Variants in PLCE1 observed in about 807,000 individuals in gnomAD.
The protein encoded by PLCE1 is 1-phosphatidylinositol 4,5-bisphosphate phosphodiesterase epsilon-1.
PLCE1 carries 119 observed loss-of-function variants against 242.8 expected under a neutral mutation model. The ratio of observed to expected loss-of-function variants is 0.49; its 90% confidence interval spans 0.42 to 0.57. The LOEUF is 0.57. PLCE1 is among the 20% of genes least tolerant of loss of function. The pLI, the probability that PLCE1 is intolerant of heterozygous loss-of-function variation, is 0.00. For synonymous variants in PLCE1, 945 were observed against 1,017.4 expected (o/e 0.93, Z 1.35); for missense variants, 2,441 against 2,788.8 (o/e 0.88, Z 2.81).
rs1347399544 is a variant in PLCE1, at chr10:94,259,101, C to T, written c.3765C>T (p.Tyr1255=). Residue 1255 remains tyrosine (Y), a synonymous_variant, in exon 13 of 33, where the codon TAC becomes TAT. Coordinates refer to ENST00000371380, the MANE Select transcript of PLCE1 (RefSeq NM_016341.4). ...CTGGCTCCGAGTCAGCCCCACTCTA[C>T]ACCAACCTGACAATTGATGAAAACA... ...NRSGSESAPL[Y]TNLTIDENTS... 1.2e-6 allele frequency: 2 copies of T among 1,613,950 alleles called. No homozygotes were observed. The highest frequency in any genetic ancestry group is 2.7e-5 in the African/African-American group (2 of 74,882).
chr10:94,235,674 T>C, intron 6 of PLCE1: 1 of 966,616 alleles, frequency 1.0e-6, no homozygotes, highest in East Asian at 1.1e-4. Flanking sequence ...TTTTTTGTTT[T>C]AAATTTGAAG....
In PLCE1 at chr10:94,165,927, C is replaced by T. The variant is rs1435963445; in HGVS notation, c.1493-5253C>T. ...TCACCACGTTGGCAAGGCTGGTCTC[C>T]AACTCCTGACATCAGTTGATCCACC... On this transcript the variant is annotated intron_variant, in intron 3 of 32. Transcript: ENST00000371380. 2.0e-5 allele frequency among the ~76,000 whole-genome samples: 3 copies of T among 152,102 alleles called. No individual in the cohort carries two copies. The East Asian group carries it at 5.8e-4, about 30-fold the overall frequency.
intron 4 of PLCE1, among the ~76,000 whole-genome samples, chr10:94,226,832 T>TCTTTTTC (rs1554888481): frequency 2.0e-5 from 1 of 49,624 alleles, no homozygotes; most frequent in East Asian, 8.9e-4. Context: ...CCTATAGGTC[T>TCTTTTTC]TTTTTTTTTT....
chr10:94,098,324 A>G (rs1423576544), intron 2 of PLCE1, among the ~76,000 whole-genome samples: 3 of 152,196 alleles, frequency 2.0e-5, no homozygotes. Flanking sequence ...ACATTTATAA[A>G]CATTGCCAAT....
intron 2 of PLCE1, among the ~76,000 whole-genome samples, chr10:94,064,588 G>A (rs2044148887): frequency 6.6e-6 from 1 of 152,128 alleles, no homozygotes; most frequent in Admixed American, 6.5e-5. Flanking sequence ...AGGCAAAGCT[G>A]GGTTTCAGGT....
rs1288310210 is a variant in PLCE1, at chr10:94,331,392, C to G, written c.*3449C>G. The G allele has an allele frequency of 6.6e-6, 1 of 152,218 alleles. No homozygotes were observed. The highest frequency in any genetic ancestry group is 2.4e-5 in the African/African-American group (1 of 41,434). 9.4% of individuals were successfully genotyped at this position (152,218 alleles called of 1,614,324 possible). A position where few individuals can be genotyped will look rare whatever the true frequency, so the allele number is the denominator to read the frequency against. On this transcript the variant is annotated 3_prime_UTR_variant, in exon 33 of 33. Coordinates refer to ENST00000371380, the MANE Select transcript of PLCE1 (RefSeq NM_016341.4). ...TAGACTTCTGTCCTCTGCCCAGAGA[C>G]CCACAGGCCTTGCTTAATTCTGGAA...
chr10:94,116,828 A>C (rs537940725), intron 2 of PLCE1, among the ~76,000 whole-genome samples: 1 of 152,316 alleles, frequency 6.6e-6, no homozygotes, highest in South Asian at 2.1e-4. Flanking sequence ...CTTCTAAAAG[A>C]AGTGCATTTG....
chr10:94,202,953 G>C (rs1460487396), intron 4 of PLCE1, among the ~76,000 whole-genome samples: 1 of 152,192 alleles, frequency 6.6e-6, no homozygotes. Context: ...ACATAAAATA[G>C]TTATTGTCTG....
intron 2 of PLCE1, among the ~76,000 whole-genome samples, chr10:94,062,761 T>C (rs2044094884): frequency 1.3e-5 from 2 of 152,154 alleles, no homozygotes; most frequent in African/African-American, 4.8e-5. Flanking sequence ...TAGTCAACTG[T>C]TGTCTTTCTG....
chr10:94,190,839 C>T (rs976914432), intron 4 of PLCE1, among the ~76,000 whole-genome samples: 2 of 152,116 alleles, frequency 1.3e-5, no homozygotes, highest in African/African-American at 4.8e-5. Flanking sequence ...GCATGGAGCT[C>T]GTGTGCTAGA....
intron 1 of PLCE1, among the ~76,000 whole-genome samples, chr10:94,021,629 C>G (rs1221000850): frequency 1.3e-5 from 2 of 152,114 alleles, no homozygotes; most frequent in African/African-American, 4.8e-5. Flanking sequence ...GCCAGTATCA[C>G]ATTGTCAAGA....
At chr10:94,048,726 T>C (rs1158854947) in intron 2 of PLCE1, among the ~76,000 whole-genome samples, 1 of 148,066 alleles carries the variant, frequency 6.8e-6, no homozygotes, top group Non-Finnish European at 1.5e-5. Context: ...TATGTATATA[T>C]GCACATATAT....
At chr10:94,273,006 G>A (rs2051805608) in intron 18 of PLCE1, among the ~76,000 whole-genome samples, 1 of 152,066 alleles carries the variant, frequency 6.6e-6, no homozygotes. Flanking sequence ...TTCGAGACCA[G>A]CCTGGGCAAC....
At position 94,171,282 on chromosome 10, in the gene PLCE1, C is replaced by T; in HGVS notation, c.1595C>T (p.Pro532Leu). The change falls in exon 4 of 33, where the codon CCA becomes CTA. Residue 532 changes from proline (P) to leucine (L), a missense_variant. Pro to Leu is a moderately conservative substitution (Grantham distance 98). Around this residue, in one of 5 missense-constraint regions of PLCE1, gnomAD observed 733 missense variants for 754.2 expected, o/e 0.97. Coordinates refer to ENST00000371380, the MANE Select transcript of PLCE1 (RefSeq NM_016341.4). ...LIDLQPLIQF[P>L]EEVASILMEQ... ...GATCTGCAGCCTCTCATCCAGTTCC[C>T]AGAGGAAGTCGCCAGCATCCTGATG... 6.2e-7 allele frequency: 1 copy of T among 1,614,196 alleles called. No homozygotes were observed. Among genetic ancestry groups the T allele is most frequent in the Non-Finnish European group, 8.5e-7 (1 of 1,180,026 alleles).
At chr10:94,115,074 A>T (rs1454956087) in intron 2 of PLCE1, among the ~76,000 whole-genome samples, 1 of 151,866 alleles carries the variant, frequency 6.6e-6, no homozygotes, top group African/African-American at 2.4e-5. Context: ...AGCTTCATCC[A>T]TGTCCCTACA....
chr10:94,283,952 G>T, intron 21 of PLCE1, 41 bp downstream of exon 21: 1 of 1,600,194 alleles, frequency 6.2e-7, no homozygotes, highest in South Asian at 1.1e-5. Context: ...TTGACCATGT[G>T]GTACTCTTGT....
chr10:94,156,575 C>A (rs561293881), intron 3 of PLCE1, among the ~76,000 whole-genome samples: 1 of 152,268 alleles, frequency 6.6e-6, no homozygotes, highest in Admixed American at 6.5e-5. Flanking sequence ...CTTCCCAGCA[C>A]CTCCTTGTGT....
At position 94,330,838 on chromosome 10, in the gene PLCE1, A is replaced by C. The variant is rs1207404829; in HGVS notation, c.*2895A>C. On this transcript the variant is annotated 3_prime_UTR_variant, in exon 33 of 33. Transcript: ENST00000371380. ...TATGCCAAGTGAAAGAAATTATCCT[A>C]AATAGCCACTATGACTATACCCATT... The C allele has an allele frequency of 6.6e-6, 1 of 152,230 alleles. No individual in the cohort carries two copies. Among genetic ancestry groups the C allele is most frequent in the Non-Finnish European group, 1.5e-5 (1 of 68,044 alleles). The allele number at this position is 152,230 out of a possible 1,614,324, so 9.4% of individuals were successfully genotyped here.
At chr10:94,113,141 A>T (rs2046006875) in intron 2 of PLCE1, among the ~76,000 whole-genome samples, 1 of 152,164 alleles carries the variant, frequency 6.6e-6, no homozygotes, top group African/African-American at 2.4e-5. Flanking sequence ...AATGGGTATG[A>T]GACTTAACTT....
Sources: gnomAD v4.1 joint callset for allele counts (sites outside exome capture counted in the v4.1 genomes callset) on GRCh38, gnomAD v4.1.1 for gene constraint, gnomAD v4.1.1 regional missense constraint, MANE v1.5 for transcripts, NCBI Gene and HGNC (gene_info 2026-07-23, HGNC 2026-07-21) for gene names.